The following STIM2 variants were observed in gnomAD, a reference collection of about 807,000 sequenced individuals.
The protein encoded by STIM2 is stromal interaction molecule 2.
STIM2 carries 31 observed loss-of-function variants against 85.8 expected under a neutral mutation model. The observed-to-expected ratio is 0.36, with a 90% CI of 0.27 to 0.49. The LOEUF (loss-of-function observed/expected upper bound fraction) is 0.49, where lower values mean the gene tolerates loss of function less well. STIM2 is among the 20% of genes least tolerant of loss of function. The pLI, the probability that STIM2 is intolerant of heterozygous loss-of-function variation, is 0.98. For synonymous variants in STIM2, 356 were observed against 331.1 expected (o/e 1.08, Z -0.82); for missense variants, 841 against 927.6 (o/e 0.91, Z 1.21).
At chr4:26,910,093 G>A (rs1227261027) in intron 1 of STIM2, among the ~76,000 whole-genome samples, 2 of 152,202 alleles carry the variant, frequency 1.3e-5, no homozygotes, top group Non-Finnish European at 2.9e-5. Context: ...CAGGAGTCAA[G>A]AAATTTGCAT....
At chr4:26,876,541 A>G (rs1722823415) in intron 1 of STIM2, among the ~76,000 whole-genome samples, 1 of 152,210 alleles carries the variant, frequency 6.6e-6, no homozygotes, top group South Asian at 2.1e-4. Flanking sequence ...ATGAGAAACC[A>G]TAAATAAATT....
intron 2 of STIM2, among the ~76,000 whole-genome samples, chr4:26,957,131 T>C (rs562316018): frequency 4.6e-5 from 7 of 152,294 alleles, no homozygotes; most frequent in Non-Finnish European, 1.0e-4. Context: ...TCCTCCCATA[T>C]AAATTGTTTC....
chr4:26,881,080 G>A (rs963506808), intron 1 of STIM2, among the ~76,000 whole-genome samples: 3 of 152,124 alleles, frequency 2.0e-5, no homozygotes, highest in Non-Finnish European at 4.4e-5. Context: ...TAAACCTCAA[G>A]GTGATGGTGG....
intron 1 of STIM2, chr4:26,881,647 G>C: frequency 6.6e-6 from 1 of 152,124 alleles, no homozygotes; most frequent in East Asian, 1.9e-4. Context: ...AAATTACCCA[G>C]TATAAAGTAT....
intron 3 of STIM2, among the ~76,000 whole-genome samples, chr4:26,959,755 G>A (rs368549790): frequency 3.1e-4 from 46 of 149,440 alleles, no homozygotes; most frequent in African/African-American, 8.8e-4. Context: ...GTTGAATGAC[G>A]TCTTAAACCT....
chr4:26,995,073 A>G (rs2109125225), intron 3 of STIM2, among the ~76,000 whole-genome samples: 1 of 152,230 alleles, frequency 6.6e-6, no homozygotes, highest in Non-Finnish European at 1.5e-5. Flanking sequence ...GAAAGAATGA[A>G]CAAGTATGTA....
intron 1 of STIM2, among the ~76,000 whole-genome samples, chr4:26,892,441 G>A (rs969657158): frequency 2.6e-5 from 4 of 152,042 alleles, no homozygotes; most frequent in African/African-American, 7.2e-5. Flanking sequence ...ATTCAAGACG[G>A]CGCCACCCTC....
intron 11 of STIM2, chr4:27,021,220 G>T (rs1038515529): frequency 8.1e-6 from 5 of 614,234 alleles, no homozygotes; most frequent in Non-Finnish European, 8.4e-6. Flanking sequence ...AGTTAATAAG[G>T]CTCCTTGTCC....
chr4:26,975,837 C>T (rs978693562), intron 3 of STIM2, among the ~76,000 whole-genome samples: 2 of 152,204 alleles, frequency 1.3e-5, no homozygotes, highest in African/African-American at 4.8e-5. Context: ...GCCTTTTGTT[C>T]AGCTATGCCC....
At chr4:26,976,382 CTTT>C (rs35434321) in intron 3 of STIM2, among the ~76,000 whole-genome samples, 15 of 116,926 alleles carry the variant, frequency 1.3e-4, no homozygotes, top group African/African-American at 1.3e-4. Context: ...TCTTGGGAGT[CTTT>C]TTTTTTTTTT....
In STIM2 at chr4:27,021,085, C is replaced by T. The variant is rs990113619; in HGVS notation, c.1764-1434C>T. 4.6e-6 allele frequency: 7 copies of T among 1,530,736 alleles called. No homozygotes were observed. The Admixed American group carries it at 1.4e-4, about 30-fold the overall frequency. 94.8% of individuals were successfully genotyped at this position (1,530,736 alleles called of 1,614,324 possible). On this transcript the variant is annotated intron_variant, in intron 11 of 11. Coordinates refer to ENST00000467087, the MANE Select transcript of STIM2 (RefSeq NM_020860.4). Reference sequence around the variant, plus strand: ...AAAAAAAAAGTGAGTAAGATGTGATCCCTGTTCTTTAATATCTCACTCTGT... The same window carrying T: ...AAAAAAAAAGTGAGTAAGATGTGATTCCTGTTCTTTAATATCTCACTCTGT...
intron 3 of STIM2, among the ~76,000 whole-genome samples, chr4:26,984,207 A>G (rs985439524): frequency 3.2e-4 from 48 of 152,226 alleles, no homozygotes; most frequent in African/African-American, 1.1e-3. Context: ...AATAAATACT[A>G]ATTGAGTTCC....
Position 27,003,088 on chromosome 4 carries a change from A to T in STIM2, c.965A>T (p.Glu322Val). The T allele has an allele frequency of 1.3e-6, 2 of 1,580,074 alleles. No individual in the cohort carries two copies. Among genetic ancestry groups the T allele is most frequent in the Non-Finnish European group, 1.7e-6 (2 of 1,168,100 alleles). ...GAATTGAGTAGACGTCAGTATGCAG[A>T]ACAGGAATTGGAACAGGTATTTACA... The change falls in exon 7 of 12, where the codon GAA becomes GTA. Residue 322 changes from glutamate (E) to valine (V), a missense_variant. Around this residue, in one of 3 missense-constraint regions of STIM2, gnomAD observed 408 missense variants for 525.4 expected, o/e 0.78. Transcript: ENST00000467087.
At chr4:26,889,629 CATT>C (rs773414247) in intron 1 of STIM2, among the ~76,000 whole-genome samples, 1 of 152,148 alleles carries the variant, frequency 6.6e-6, no homozygotes, top group Non-Finnish European at 1.5e-5. Flanking sequence ...ATCAGGGACT[CATT>C]ATTGGTTTCT....
At chr4:26,872,220 G>A (rs911847227) in intron 1 of STIM2, among the ~76,000 whole-genome samples, 2 of 152,110 alleles carry the variant, frequency 1.3e-5, no homozygotes, top group Admixed American at 6.5e-5. Flanking sequence ...CTAAATAACC[G>A]GACCATGAGT....
At chr4:26,912,880 G>T (rs963408851) in intron 1 of STIM2, among the ~76,000 whole-genome samples, 4 of 152,170 alleles carry the variant, frequency 2.6e-5, no homozygotes, top group African/African-American at 9.7e-5. Flanking sequence ...GGGGAGTACT[G>T]TTGGTATAGC....
chr4:26,878,211 T>A (rs1722882275), intron 1 of STIM2, among the ~76,000 whole-genome samples: 1 of 152,176 alleles, frequency 6.6e-6, no homozygotes, highest in African/African-American at 2.4e-5. Context: ...TTCTTGGTTT[T>A]CCTGGTCTAC....
At chr4:26,942,788 C>T (rs1028368289) in intron 2 of STIM2, among the ~76,000 whole-genome samples, 5 of 152,072 alleles carry the variant, frequency 3.3e-5, no homozygotes, top group African/African-American at 1.2e-4. Flanking sequence ...TTGGACTACA[C>T]GTATTAGTCT....
At chr4:26,982,472 C>G (rs771779758) in intron 3 of STIM2, among the ~76,000 whole-genome samples, 1 of 152,180 alleles carries the variant, frequency 6.6e-6, no homozygotes, top group Non-Finnish European at 1.5e-5. Flanking sequence ...TAACTGGCTT[C>G]TATATCCTTC....
Sources: gnomAD v4.1 joint callset for allele counts (sites outside exome capture counted in the v4.1 genomes callset) on GRCh38, gnomAD v4.1.1 for gene constraint, gnomAD v4.1.1 regional missense constraint, MANE v1.5 for transcripts, NCBI Gene and HGNC (gene_info 2026-07-23, HGNC 2026-07-21) for gene names.